Variants in RAPGEF4 observed in about 807,000 individuals in gnomAD.
RAPGEF4 encodes the protein RAP guanine-nucleotide-exchange factor (GEF) 4.
A neutral mutation model predicts 147.9 loss-of-function variants in RAPGEF4; 66 were observed. That is an observed-to-expected ratio of 0.45 (90% confidence interval 0.37 to 0.55). RAPGEF4 has a LOEUF of 0.55. Among genes scored for constraint, RAPGEF4 ranks in the 20% least tolerant of loss-of-function variants. The pLI is 0.00. For missense variants in RAPGEF4, 1,071 were observed against 1,257.3 expected (o/e 0.85, Z 2.24); for synonymous variants, 419 against 442.7 (o/e 0.95, Z 0.67).
At chr2:172,899,261 G>T (rs1186238351) in intron 4 of RAPGEF4, among the ~76,000 whole-genome samples, 1 of 152,178 alleles carries the variant, frequency 6.6e-6, no homozygotes, top group Non-Finnish European at 1.5e-5. Context: ...TAATTTATAG[G>T]AAAGCCCAGT....
chr2:172,922,068 T>C (rs1684826651), intron 5 of RAPGEF4, among the ~76,000 whole-genome samples: 1 of 152,268 alleles, frequency 6.6e-6, no homozygotes, highest in South Asian at 2.1e-4. Flanking sequence ...GGTTTTGGTG[T>C]CTGGGCACAT....
At chr2:172,748,432 G>A (rs889727980) in intron 1 of RAPGEF4, among the ~76,000 whole-genome samples, 6 of 152,112 alleles carry the variant, frequency 3.9e-5, no homozygotes. Flanking sequence ...ATTAGTGGCA[G>A]GCAAGGGAGA....
At chr2:172,795,240 A>G in intron 2 of RAPGEF4, 73 bp downstream of exon 2, 2 of 1,437,264 alleles carry the variant, frequency 1.4e-6, no homozygotes, top group South Asian at 2.5e-5. Context: ...TATGGAGATA[A>G]ATAGCAAATG....
chr2:172,957,297 ATTCT>A (rs1304707776), intron 6 of RAPGEF4, among the ~76,000 whole-genome samples: 1 of 152,260 alleles, frequency 6.6e-6, no homozygotes, highest in Admixed American at 6.5e-5. Context: ...TTAAAATGAC[ATTCT>A]TTCTCTTATT....
chr2:172,940,629 A>G (rs1687052587), intron 6 of RAPGEF4, among the ~76,000 whole-genome samples: 1 of 151,622 alleles, frequency 6.6e-6, no homozygotes, highest in Admixed American at 6.6e-5. Flanking sequence ...AGCCAATTCA[A>G]CCTCTTTTCT....
chr2:172,875,407 CT>C (rs913048882), intron 4 of RAPGEF4, among the ~76,000 whole-genome samples: 1 of 152,066 alleles, frequency 6.6e-6, no homozygotes, highest in African/African-American at 2.4e-5. Context: ...TTTAATCCAT[CT>C]TGAATTAATT....
chr2:172,759,528 A>G (rs1182203309), intron 1 of RAPGEF4, among the ~76,000 whole-genome samples: 1 of 152,224 alleles, frequency 6.6e-6, no homozygotes, highest in Admixed American at 6.5e-5. Flanking sequence ...AAGGAAGCAA[A>G]TGATCACAGC....
intron 15 of RAPGEF4, among the ~76,000 whole-genome samples, chr2:172,994,262 A>C (rs754828504): frequency 2.0e-5 from 3 of 152,232 alleles, no homozygotes; most frequent in Non-Finnish European, 4.4e-5. Context: ...CAAACTGAAC[A>C]AGCCCTCTTT....
At chr2:172,908,555 A>G (rs1199480214) in intron 4 of RAPGEF4, among the ~76,000 whole-genome samples, 2 of 152,258 alleles carry the variant, frequency 1.3e-5, no homozygotes, top group African/African-American at 4.8e-5. Context: ...GTCTTTGTTG[A>G]TGCTTCATGT....
intron 4 of RAPGEF4, among the ~76,000 whole-genome samples, chr2:172,885,010 T>C (rs567475738): frequency 3.9e-5 from 6 of 152,358 alleles, no homozygotes; most frequent in African/African-American, 1.4e-4. Context: ...CTGCCCCCTG[T>C]CCCCTGAAGG....
At chr2:172,866,951 CTT>C (rs368474331) in intron 4 of RAPGEF4, among the ~76,000 whole-genome samples, 3 of 139,724 alleles carry the variant, frequency 2.1e-5, no homozygotes, top group Admixed American at 7.2e-5. Flanking sequence ...CAAAACTGCT[CTT>C]TTTTTTTTTT....
At chr2:172,970,107 G>A (rs1426489588) in intron 10 of RAPGEF4, among the ~76,000 whole-genome samples, 3 of 151,676 alleles carry the variant, frequency 2.0e-5, no homozygotes, top group African/African-American at 7.3e-5. Flanking sequence ...CCCGAGAGAT[G>A]GGAAAGTGAA....
At chr2:172,814,145 T>A (rs1340896411) in intron 3 of RAPGEF4, 134 bp from the exon 4 acceptor site, 1 of 860,358 alleles carries the variant, frequency 1.2e-6, no homozygotes, top group East Asian at 2.5e-5. Context: ...GTATATATAT[T>A]TGTCAAGACT....
intron 1 of RAPGEF4, among the ~76,000 whole-genome samples, chr2:172,770,905 T>A (rs1683498921): frequency 1.3e-5 from 2 of 152,068 alleles, no homozygotes. Context: ...TAGTGTGCCA[T>A]GCAAATGTAA....
intron 3 of RAPGEF4, among the ~76,000 whole-genome samples, chr2:172,806,772 T>A (rs1002758361): frequency 1.3e-5 from 2 of 152,218 alleles, no homozygotes; most frequent in African/African-American, 4.8e-5. Flanking sequence ...ATCTGGCACA[T>A]TTTAGCTCAA....
At chr2:172,923,491 C>T (rs1238038144) in intron 6 of RAPGEF4, among the ~76,000 whole-genome samples, 3 of 152,194 alleles carry the variant, frequency 2.0e-5, no homozygotes, top group African/African-American at 7.2e-5. Flanking sequence ...TGGTCTCGAA[C>T]TCCTGACCTC....
At chr2:172,906,981 A>G (rs1276280138) in intron 4 of RAPGEF4, among the ~76,000 whole-genome samples, 2 of 152,190 alleles carry the variant, frequency 1.3e-5, no homozygotes, top group African/African-American at 4.8e-5. Context: ...GCACATTATA[A>G]AAAGGGGCTC....
Position 172,996,506 on chromosome 2 carries a change from C to T in RAPGEF4, c.1531C>T (p.His511Tyr). 1 of 1,581,494 alleles carries T rather than the reference C, an allele frequency of 6.3e-7. No individual in the cohort carries two copies. Among genetic ancestry groups the T allele is most frequent in the Non-Finnish European group, 8.6e-7 (1 of 1,169,110 alleles). Residue 511 changes from histidine (H) to tyrosine (Y), a missense_variant, in exon 16 of 31, where the codon CAT becomes TAT. Transcript: ENST00000397081. ...AGGAACACCTGAAAAAATTTTAGAG[C>T]ATTTTCTAGAAACAATACGCCTTGA... ...MSGTPEKILEHFLETIRLEAT... is the reference protein window; with the variant it reads ...MSGTPEKILEYFLETIRLEAT...
chr2:172,837,791 C>A (rs540340220), intron 4 of RAPGEF4, among the ~76,000 whole-genome samples: 1 of 152,106 alleles, frequency 6.6e-6, no homozygotes. Flanking sequence ...CTCAAACTCC[C>A]ATCCTCAAGT....
Sources: gnomAD v4.1 joint callset for allele counts (sites outside exome capture counted in the v4.1 genomes callset) on GRCh38, gnomAD v4.1.1 for gene constraint, MANE v1.5 for transcripts, NCBI Gene and HGNC (gene_info 2026-07-23, HGNC 2026-07-21) for gene names.